Variants in SLC24A2 observed in about 807,000 individuals in gnomAD.
SLC24A2 encodes sodium/potassium/calcium exchanger 2.
A neutral mutation model predicts 62.0 loss-of-function variants in SLC24A2; 36 were observed. That is an observed-to-expected ratio of 0.58 (90% CI 0.44 to 0.77). The LOEUF is 0.77. SLC24A2 is among the 30% of genes least tolerant of loss of function. SLC24A2 has a pLI of 0.00. For missense variants in SLC24A2, 846 were observed against 817.9 expected (o/e 1.03, Z -0.42); for synonymous variants, 358 against 294.0 (o/e 1.22, Z -2.23).
At chr9:19,819,353 C>A in the SLC24A2 span, among the ~76,000 whole-genome samples, 2 of 152,114 alleles carry the variant, frequency 1.3e-5, no homozygotes, top group African/African-American at 4.8e-5. Context: ...TAGCTGGGAC[C>A]TAATTAAACT....
At chr9:19,568,644 G>A (rs1165192704) in intron 7 of SLC24A2, among the ~76,000 whole-genome samples, 1 of 152,210 alleles carries the variant, frequency 6.6e-6, no homozygotes, top group Non-Finnish European at 1.5e-5. Flanking sequence ...CACACAGCTG[G>A]TAAGCAGCAG....
the SLC24A2 span, among the ~76,000 whole-genome samples, chr9:20,017,787 C>G: frequency 6.6e-6 from 1 of 152,174 alleles, no homozygotes; most frequent in African/African-American, 2.4e-5. Flanking sequence ...GAAGACTCAG[C>G]AACTCTGCTC....
At chr9:20,170,527 T>C in the SLC24A2 span, among the ~76,000 whole-genome samples, 1 of 151,838 alleles carries the variant, frequency 6.6e-6, no homozygotes, top group Admixed American at 6.6e-5. Flanking sequence ...GCAAAGCTTG[T>C]GAGATGTGCA....
the SLC24A2 span, among the ~76,000 whole-genome samples, chr9:19,936,804 T>C: frequency 6.6e-6 from 1 of 152,056 alleles, no homozygotes. Context: ...AGATGATAAA[T>C]GGGGAAAAAG....
intron 2 of SLC24A2, among the ~76,000 whole-genome samples, chr9:19,642,463 A>T (rs1180066241): frequency 6.6e-6 from 1 of 152,128 alleles, no homozygotes; most frequent in Non-Finnish European, 1.5e-5. Flanking sequence ...GGCTGACACC[A>T]GCTGGCAGTG....
the SLC24A2 span, among the ~76,000 whole-genome samples, chr9:20,104,900 G>A: frequency 6.6e-6 from 1 of 152,032 alleles, no homozygotes; most frequent in East Asian, 1.9e-4. Flanking sequence ...AAGACACACT[G>A]GCAAACTGGA....
At chr9:19,989,889 C>G in the SLC24A2 span, among the ~76,000 whole-genome samples, 1 of 152,088 alleles carries the variant, frequency 6.6e-6, no homozygotes, top group Non-Finnish European at 1.5e-5. Flanking sequence ...GGTAATAGCA[C>G]TATGCAGAGA....
chr9:19,715,562 A>G (rs1203674796), intron 2 of SLC24A2, among the ~76,000 whole-genome samples: 2 of 152,174 alleles, frequency 1.3e-5, no homozygotes, highest in East Asian at 1.9e-4. Context: ...CTGAAAGTCG[A>G]AAGTTTTATT....
the SLC24A2 span, among the ~76,000 whole-genome samples, chr9:20,212,598 A>C: frequency 1.3e-5 from 2 of 151,774 alleles, no homozygotes; most frequent in East Asian, 3.8e-4. Flanking sequence ...TGGTAAATAA[A>C]CCAGAACCCT....
chr9:19,875,283 A>T, the SLC24A2 span, among the ~76,000 whole-genome samples: 7 of 152,186 alleles, frequency 4.6e-5, no homozygotes, highest in Admixed American at 4.6e-4. Context: ...TTAGTAGATA[A>T]CATTTTAATT....
At chr9:19,898,207 T>G in the SLC24A2 span, among the ~76,000 whole-genome samples, 1 of 152,186 alleles carries the variant, frequency 6.6e-6, no homozygotes, top group African/African-American at 2.4e-5. Context: ...AAGAAGCAGC[T>G]TGTGGAAGGG....
At chr9:20,183,502 A>C in the SLC24A2 span, among the ~76,000 whole-genome samples, 2 of 152,256 alleles carry the variant, frequency 1.3e-5, no homozygotes, top group Admixed American at 1.3e-4. Flanking sequence ...AACCTGCTTA[A>C]CTTTGAATAA....
intron 5 of SLC24A2, among the ~76,000 whole-genome samples, chr9:19,590,017 T>C (rs904698390): frequency 6.6e-6 from 1 of 152,140 alleles, no homozygotes; most frequent in African/African-American, 2.4e-5. Flanking sequence ...GGCTGAACTC[T>C]CTTTCTCTGA....
chr9:20,093,768 A>G, the SLC24A2 span, among the ~76,000 whole-genome samples: 1 of 152,206 alleles, frequency 6.6e-6, no homozygotes, highest in Non-Finnish European at 1.5e-5. Flanking sequence ...CAATAGGGTG[A>G]CAATGGTGAG....
chr9:20,031,724 T>C, the SLC24A2 span, among the ~76,000 whole-genome samples: 1 of 152,086 alleles, frequency 6.6e-6, no homozygotes, highest in African/African-American at 2.4e-5. Context: ...TCCCCAGGGA[T>C]AGAACTCCAG....
the SLC24A2 span, among the ~76,000 whole-genome samples, chr9:20,217,024 CA>C: frequency 6.6e-6 from 1 of 152,022 alleles, no homozygotes; most frequent in African/African-American, 2.4e-5. Flanking sequence ...CACCAAAAGT[CA>C]AGAAGAAAAA....
intron 2 of SLC24A2, among the ~76,000 whole-genome samples, chr9:19,740,250 C>A (rs1410177137): frequency 3.3e-5 from 5 of 152,114 alleles, no homozygotes; most frequent in African/African-American, 1.2e-4. Context: ...GAAATGCATA[C>A]AAGTGTGTAC....
intron 7 of SLC24A2, among the ~76,000 whole-genome samples, chr9:19,551,630 G>A (rs550392362): frequency 1.3e-5 from 2 of 152,258 alleles, no homozygotes; most frequent in East Asian, 1.9e-4. Context: ...TCCTACCCCT[G>A]GGGCTCTTGC....
chr9:19,664,679 A>G (rs982889684), intron 2 of SLC24A2, among the ~76,000 whole-genome samples: 3 of 152,148 alleles, frequency 2.0e-5, no homozygotes, highest in Non-Finnish European at 4.4e-5. Context: ...CCTAAATCCA[A>G]TGACTGGTGT....
Sources: allele counts gnomAD v4.1 joint callset (sites outside exome capture counted in the v4.1 genomes callset), GRCh38; gene constraint gnomAD v4.1.1; transcripts MANE v1.5; gene names NCBI Gene and HGNC (gene_info 2026-07-23, HGNC 2026-07-21).